PPP1CA: variants seen among roughly 807,000 people sequenced by gnomAD.
PPP1CA encodes the protein protein phosphatase 1 catalytic subunit alpha, also known as serine/threonine-protein phosphatase PP1-alpha catalytic subunit.
In PPP1CA, 14 loss-of-function variants were observed where a neutral mutation model predicts 38.5. The observed-to-expected ratio is 0.36, with a 90% CI of 0.24 to 0.57. The LOEUF (loss-of-function observed/expected upper bound fraction) is 0.57, where lower values mean the gene tolerates loss of function less well. PPP1CA is among the 20% of genes least tolerant of loss of function. The pLI is 0.80. For missense variants in PPP1CA, 277 were observed against 435.2 expected, an observed-to-expected ratio of 0.64 and a Z score of 3.23; for synonymous variants, 200 against 177.3, an observed-to-expected ratio of 1.13 and a Z score of -1.02.
In PPP1CA at chr11:67,399,564, C is replaced by T; in HGVS notation, c.520G>A (p.Gly174Arg). The T allele has an allele frequency of 2.5e-6, 4 of 1,613,944 alleles. No homozygotes were observed. The highest frequency in any genetic ancestry group is 3.4e-6 in the Non-Finnish European group (4 of 1,179,876). Residue 174 changes from glycine to arginine, a missense_variant, in exon 4 of 7, where the codon GGA becomes AGA. By Grantham distance (125) the Gly-to-Arg change is moderately radical. Transcript: ENST00000376745. Reference sequence around the variant, plus strand: ...CCCCAGCCATCCCCTCCCTCACCTCCGTGGCAGCAGAAGATCTTTTCGTCC... The same window carrying T: ...CCCCAGCCATCCCCTCCCTCACCTCTGTGGCAGCAGAAGATCTTTTCGTCC... ...IVDEKIFCCHGGLSPDLQSME... is the reference protein window; with the variant it reads ...IVDEKIFCCHRGLSPDLQSME...
chr11:67,398,599 C>T lies in PPP1CA; in HGVS notation c.929G>A (p.Ser310Asn), dbSNP rs1862796494. ...GGGTCGGCCTCCAGGGTTCAGGCCA[C>T]TGAACTGCCCGTACTTCCCCTTGTT... Reference protein sequence around the residue: ...DKNKGKYGQFSGLNPGGRPIT... With the variant: ...DKNKGKYGQFNGLNPGGRPIT... Residue 310 changes from serine to asparagine, a missense_variant, in exon 7 of 7, where the codon AGT becomes AAT. This residue lies in a region of PPP1CA where 53 missense variants were observed against 51.1 expected (regional missense o/e 1.04). Transcript: ENST00000376745. 5 of 1,614,018 alleles carry T rather than the reference C, an allele frequency of 3.1e-6. No individual in the cohort carries two copies. Among genetic ancestry groups the T allele is most frequent in the Non-Finnish European group, 4.2e-6 (5 of 1,180,024 alleles).
At chr11:67,401,448 G>T (rs1862887120) in intron 1 of PPP1CA, 1 of 658,274 alleles carries the variant, frequency 1.5e-6, no homozygotes, top group East Asian at 2.8e-5. Context: ...TCACAGCGCA[G>T]GACCCCTTCC....
rs567358548 is a variant in PPP1CA at position 67,398,373 on chromosome 11, C to T, written c.*162G>A. The T allele has an allele frequency of 1.1e-4, 77 of 711,666 alleles. No individual in the cohort carries two copies. Among genetic ancestry groups the T allele is most frequent in the South Asian group, 1.0e-3 (55 of 52,490 alleles). 44.1% of individuals were successfully genotyped at this position (711,666 alleles called of 1,614,324 possible). On this transcript the variant is annotated 3_prime_UTR_variant, in exon 7 of 7. Transcript: ENST00000376745. Reference sequence around the variant, plus strand: ...CAGGAAGCAGCCCTGGGGGACTGGACGCTGCTATTGATTCATTAAAAAAAG... The same window carrying T: ...CAGGAAGCAGCCCTGGGGGACTGGATGCTGCTATTGATTCATTAAAAAAAG...
rs141766388 is a variant in PPP1CA at position 67,398,643 on chromosome 11, G to A, written c.885C>T (p.Ile295=). Reference sequence around the variant, plus strand: ...CCTTGTTCTTGTCGGCGGGCTTGAGGATCTAAAAGAGACAGTGTTGGTCAG... The same window carrying A: ...CCTTGTTCTTGTCGGCGGGCTTGAGAATCTAAAAGAGACAGTGTTGGTCAG... ...VDETLMCSFQ[I]LKPADKNKGK... The change falls in exon 7 of 7, where the codon ATC becomes ATT. Residue 295 remains isoleucine (I), a splice_region_variant and synonymous_variant. Coordinates refer to ENST00000376745, the MANE Select transcript of PPP1CA (RefSeq NM_002708.4). The A allele has an allele frequency of 5.0e-6, 8 of 1,613,938 alleles. No individual in the cohort carries two copies. The highest frequency in any genetic ancestry group is 6.8e-6 in the Non-Finnish European group (8 of 1,179,986).
rs779248725 is a variant in PPP1CA at position 67,399,051 on chromosome 11, G to A, written c.636C>T (p.Asp212=). The change falls in exon 5 of 7, where the codon GAC becomes GAT. Residue 212 remains aspartate, a synonymous_variant. Transcript: ENST00000376745. ...CDLLWSDPDK[D]VQGWGENDRG... ...GGTCGTTCTCGCCCCAGCCCTGCAC[G>A]TCCTTGTCAGGGTCAGACCACAGCA... 8.1e-6 allele frequency: 13 copies of A among 1,613,470 alleles called. No homozygotes were observed. The South Asian group carries it at 8.8e-5, about 11-fold the overall frequency.
intron 1 of PPP1CA, 126 bp from the exon 2 acceptor site, chr11:67,401,325 G>C: frequency 6.7e-7 from 1 of 1,497,776 alleles, no homozygotes; most frequent in Non-Finnish European, 9.1e-7. Context: ...ACAGGCAGCT[G>C]TTGCTGCTGA....
Position 67,398,946 on chromosome 11 carries a change from T to C in PPP1CA, c.741A>G (p.Ala247=), listed in dbSNP as rs771633947. 1 of 1,613,188 alleles carries C rather than the reference T, an allele frequency of 6.2e-7. No individual in the cohort carries two copies. The highest frequency in any genetic ancestry group is 8.5e-7 in the Non-Finnish European group (1 of 1,179,996). ...HKHDLDLICR[A]HQVVEDGYEF... ...GCCGGAGCCACCAGCCCACCTGGTG[T>C]GCTCGGCAGATGAGGTCCAAGTCGT... Residue 247 remains alanine (A), a synonymous_variant, in exon 5 of 7, where the codon GCA becomes GCG. Transcript: ENST00000376745.
intron 1 of PPP1CA, 163 bp downstream of exon 1, chr11:67,401,565 G>A: frequency 3.2e-6 from 2 of 616,888 alleles, no homozygotes; most frequent in Non-Finnish European, 4.9e-6. Context: ...AGCTGGCCCC[G>A]GACCTCTCAG....
In PPP1CA at chr11:67,398,211, A is replaced by C; in HGVS notation, c.*324T>G. The C allele has an allele frequency of 2.6e-6, 1 of 380,560 alleles. No homozygotes were observed. The highest frequency in any genetic ancestry group is 3.2e-5 in the South Asian group (1 of 31,052). 23.6% of individuals were successfully genotyped at this position (380,560 alleles called of 1,614,324 possible). ...AATCCAGCTTTGACCTTTATTCAAG[A>C]GACCAGATGGGTTGCCCCAGGATCC... On this transcript the variant is annotated 3_prime_UTR_variant, in exon 7 of 7. Transcript: ENST00000376745.
rs746378704 is a variant in PPP1CA at position 67,401,713 on chromosome 11, C to A, written c.55+15G>T. ...CAGGGCGCGGCGGACGCGGGCCTCC[C>A]CCGCCCCGACCAACCTTCCAGCAGG... On this transcript the variant is annotated intron_variant, in intron 1 of 6. Coordinates refer to ENST00000376745, the MANE Select transcript of PPP1CA (RefSeq NM_002708.4). 1 of 1,451,084 alleles carries A rather than the reference C, an allele frequency of 6.9e-7. No homozygotes were observed. The highest frequency in any genetic ancestry group is 2.2e-5 in the Admixed American group (1 of 45,944). 89.9% of individuals were successfully genotyped at this position (1,451,084 alleles called of 1,614,324 possible). A position where few individuals can be genotyped will look rare whatever the true frequency, so the allele number is the denominator to read the frequency against.
At position 67,399,141 on chromosome 11, in the gene PPP1CA, A is replaced by G; in HGVS notation, c.546T>C (p.Ser182=). 6.2e-7 allele frequency: 1 copy of G among 1,613,384 alleles called. No individual in the cohort carries two copies. The highest frequency in any genetic ancestry group is 8.5e-7 in the Non-Finnish European group (1 of 1,179,988). The stretch of plus-strand genomic sequence containing the variant: ...GCATGATCCGCCGAATCTGCTCCAT[A>G]GACTGCAGGTCCGGGGACAGGCCTG... ...CHGGLSPDLQ[S]MEQIRRIMRP... Residue 182 remains serine (S), a synonymous_variant, in exon 5 of 7, where the codon TCT becomes TCC. Transcript: ENST00000376745.
chr11:67,400,754 A>T lies in PPP1CA; in HGVS notation c.353T>A (p.Phe118Tyr), dbSNP rs1366852262. Residue 118 changes from phenylalanine to tyrosine, a missense_variant, in exon 3 of 7, where the codon TTC becomes TAC. Phe to Tyr is a conservative substitution (Grantham distance 22, BLOSUM62 3). Coordinates refer to ENST00000376745, the MANE Select transcript of PPP1CA (RefSeq NM_002708.4). ...CTCGTGGTTCCCACGGAGCAGGAAG[A>T]AGTTCTCGGGGTACTTGATCTTATA... ...LAYKIKYPEN[F>Y]FLLRGNHECA... The T allele has an allele frequency of 5.6e-6, 9 of 1,613,974 alleles. No homozygotes were observed. The highest frequency in any genetic ancestry group is 2.2e-5 in the East Asian group (1 of 44,904).
intron 6 of PPP1CA, 34 bp from the exon 7 acceptor site, chr11:67,398,679 C>G (rs1862803537): frequency 6.2e-7 from 1 of 1,613,360 alleles, no homozygotes; most frequent in Non-Finnish European, 8.5e-7. Context: ...GCTCATGGGG[C>G]TGAGCCACAG....
chr11:67,401,299 C>A, intron 1 of PPP1CA, 100 bp from the exon 2 acceptor site: 1 of 1,567,200 alleles, frequency 6.4e-7, no homozygotes, highest in Non-Finnish European at 8.7e-7. Context: ...TAGGCCTCCT[C>A]GGCCCCTCCT....
intron 4 of PPP1CA, 40 bp from the exon 5 acceptor site, chr11:67,399,203 A>G (rs991324270): frequency 6.4e-7 from 1 of 1,572,444 alleles, no homozygotes; most frequent in Non-Finnish European, 8.7e-7. Flanking sequence ...AAACAAGGAC[A>G]TCCTCCCTCC....
intron 4 of PPP1CA, 97 bp downstream of exon 4, chr11:67,399,464 C>A: frequency 8.9e-7 from 1 of 1,123,718 alleles, no homozygotes; most frequent in South Asian, 1.4e-5. Flanking sequence ...GGGACACTTC[C>A]TGGAAGGAGT....
In PPP1CA at chr11:67,400,972, G is replaced by C. The variant is rs185782495; in HGVS notation, c.188-53C>G. 8.3e-5 allele frequency: 134 copies of C among 1,609,550 alleles called. No individual in the cohort carries two copies. In the Admixed American group the frequency reaches 2.2e-3, roughly 26 times the overall value. On this transcript the variant is annotated intron_variant, in intron 2 of 6. Coordinates refer to ENST00000376745, the MANE Select transcript of PPP1CA (RefSeq NM_002708.4). ...GATGCAAGGTCTAGACCTGAACCCA[G>C]GGCCAGGACTGCGCTCAAGGGAGGA...
chr11:67,398,292 GC>G lies in PPP1CA; in HGVS notation c.*242del. 1.8e-6 allele frequency: 1 copy of G among 545,868 alleles called. No individual in the cohort carries two copies. Among genetic ancestry groups the G allele is most frequent in the Non-Finnish European group, 3.2e-6 (1 of 309,792 alleles). 33.8% of individuals were successfully genotyped at this position (545,868 alleles called of 1,614,324 possible). ...GAGACCCACGACCTGGCCTGCCGTTGCCCTGAGCTGCAGCCTCGGCCCCAGG... is the reference window on the plus strand; with the variant it reads ...GAGACCCACGACCTGGCCTGCCGTTGCCTGAGCTGCAGCCTCGGCCCCAGG... On this transcript the variant is annotated 3_prime_UTR_variant, in exon 7 of 7. Coordinates refer to ENST00000376745, the MANE Select transcript of PPP1CA (RefSeq NM_002708.4).
intron 4 of PPP1CA, 46 bp from the exon 5 acceptor site, chr11:67,399,209 C>G: frequency 6.4e-7 from 1 of 1,558,522 alleles, no homozygotes; most frequent in Non-Finnish European, 8.8e-7. Flanking sequence ...GGACATCCTC[C>G]CTCCAGGAAG....
Sources: allele counts gnomAD v4.1 joint callset, GRCh38; gene constraint gnomAD v4.1.1; regional missense constraint gnomAD v4.1.1; transcripts MANE v1.5; gene names NCBI Gene and HGNC (gene_info 2026-07-23, HGNC 2026-07-21).